The following CTNNA2 variants were observed in gnomAD, a reference collection of about 807,000 sequenced individuals.
CTNNA2 encodes catenin alpha 2.
In CTNNA2, 42 loss-of-function variants were observed where a neutral mutation model predicts 101.0. The observed-to-expected ratio is 0.42, with a 90% confidence interval of 0.32 to 0.54. The LOEUF is 0.54. Among genes scored for constraint, CTNNA2 ranks in the 20% least tolerant of loss-of-function variants. The pLI is 0.14. For synonymous variants in CTNNA2, 450 were observed against 456.4 expected, an observed-to-expected ratio of 0.99 and a Z score of 0.18; for missense variants, 871 against 1,223.1, an observed-to-expected ratio of 0.71 and a Z score of 4.29.
chr2:80,289,513 C>A (rs1675053981), intron 7 of CTNNA2, among the ~76,000 whole-genome samples: 1 of 152,296 alleles, frequency 6.6e-6, no homozygotes, highest in South Asian at 2.1e-4. Flanking sequence ...GCTCCTAATG[C>A]CATCCACATT....
intron 13 of CTNNA2, among the ~76,000 whole-genome samples, chr2:80,576,920 G>A (rs140387973): frequency 0.012 from 1,803 of 151,912 alleles, 25 homozygotes; most frequent in Non-Finnish European, 0.015. Context: ...TTAACTTCAC[G>A]TCTCCCAAAC....
chr2:79,733,349 A>G (rs904272209), intron 2 of CTNNA2, among the ~76,000 whole-genome samples: 2 of 152,106 alleles, frequency 1.3e-5, no homozygotes, highest in Admixed American at 1.3e-4. Flanking sequence ...CCTCATAACT[A>G]GTTGACAAAG....
At chr2:79,767,013 C>A (rs1324895002) in intron 3 of CTNNA2, among the ~76,000 whole-genome samples, 1 of 151,970 alleles carries the variant, frequency 6.6e-6, no homozygotes, top group Non-Finnish European at 1.5e-5. Flanking sequence ...CTCGGCCTCC[C>A]AAAGTGCTGG....
At chr2:79,562,928 G>T (rs534158847) in intron 1 of CTNNA2, among the ~76,000 whole-genome samples, 2 of 151,856 alleles carry the variant, frequency 1.3e-5, no homozygotes, top group South Asian at 2.1e-4. Context: ...AGAGAGAAAA[G>T]AATACTAATG....
rs564137108 is a variant in CTNNA2, at chr2:79,605,485, G to A, written c.-5-46067G>A. Reference sequence around the variant, plus strand: ...TAAGAAACATAAAGAAAATTCCACCGAAGAATATATTATAATCTTATAGTT... The same window carrying A: ...TAAGAAACATAAAGAAAATTCCACCAAAGAATATATTATAATCTTATAGTT... On this transcript the variant is annotated intron_variant, in intron 1 of 18. Coordinates refer to ENST00000402739, the MANE Select transcript of CTNNA2 (RefSeq NM_001282597.3). Among the ~76,000 whole-genome samples the A allele has an allele frequency of 9.5e-4, 144 of 151,364 alleles. 1 individual carries two copies. Among genetic ancestry groups the A allele is most frequent in the South Asian group, 4.2e-3 (20 of 4,798 alleles).
At chr2:79,956,851 T>TTTTTTTTG (rs1689267380) in intron 7 of CTNNA2, among the ~76,000 whole-genome samples, 1 of 82,404 alleles carries the variant, frequency 1.2e-5, no homozygotes, top group African/African-American at 3.1e-5. Flanking sequence ...GGGTTTTTTT[T>TTTTTTTTG]TTTTTTTTTT....
At chr2:80,489,371 A>G (rs1300382450) in intron 9 of CTNNA2, among the ~76,000 whole-genome samples, 1 of 152,218 alleles carries the variant, frequency 6.6e-6, no homozygotes, top group Non-Finnish European at 1.5e-5. Flanking sequence ...AAGATAAACC[A>G]TCATTAAATT....
intron 3 of CTNNA2, among the ~76,000 whole-genome samples, chr2:79,331,819 G>A (rs2104419147): frequency 6.6e-6 from 1 of 152,278 alleles, no homozygotes; most frequent in Middle Eastern, 3.4e-3. Context: ...CAAAAAGGGG[G>A]GAAAGCAAAT....
chr2:79,402,073 T>A (rs932857606), intron 4 of CTNNA2, among the ~76,000 whole-genome samples: 1 of 151,792 alleles, frequency 6.6e-6, no homozygotes, highest in South Asian at 2.1e-4. Context: ...AAAAAGAACA[T>A]CTTATAATAA....
At chr2:79,970,583 T>C (rs1690407337) in intron 7 of CTNNA2, among the ~76,000 whole-genome samples, 1 of 152,182 alleles carries the variant, frequency 6.6e-6, no homozygotes, top group African/African-American at 2.4e-5. Context: ...GTTTCCAAGC[T>C]GATTCCTGGA....
intron 9 of CTNNA2, among the ~76,000 whole-genome samples, chr2:80,441,436 T>C (rs1682564141): frequency 6.6e-6 from 1 of 152,150 alleles, no homozygotes; most frequent in Non-Finnish European, 1.5e-5. Context: ...GACAGTTTTG[T>C]TGTTAGTTTT....
intron 9 of CTNNA2, among the ~76,000 whole-genome samples, chr2:80,533,644 GT>G (rs1374769079): frequency 6.6e-6 from 1 of 152,150 alleles, no homozygotes; most frequent in Non-Finnish European, 1.5e-5. Flanking sequence ...GGATCCTGGA[GT>G]TTTCATCCTG....
At chr2:80,241,749 G>C (rs1670961315) in intron 7 of CTNNA2, among the ~76,000 whole-genome samples, 1 of 152,106 alleles carries the variant, frequency 6.6e-6, no homozygotes, top group South Asian at 2.1e-4. Context: ...ATGGCAGTTG[G>C]ATCTAGAAGT....
At chr2:80,260,866 A>T (rs554402421) in intron 7 of CTNNA2, among the ~76,000 whole-genome samples, 4 of 151,582 alleles carry the variant, frequency 2.6e-5, no homozygotes, top group Non-Finnish European at 5.9e-5. Flanking sequence ...TGAGTTGTAC[A>T]TTTTTTTTTC....
rs1303916427 is a variant in CTNNA2 at position 79,392,847 on chromosome 2, C to A, written c.-135+18834C>A. ...TTTATAATTTTCTGAAGGATGAAAT[C>A]ATCAGTAATAGAAATCAGTTCTTTC... On this transcript the variant is annotated intron_variant, in intron 4 of 21. Transcript: ENST00000466387. Among the ~76,000 whole-genome samples, 5 of 152,114 alleles carry A rather than the reference C, an allele frequency of 3.3e-5. No individual in the cohort carries two copies. The South Asian group carries it at 8.3e-4, about 25-fold the overall frequency.
Position 79,874,121 on chromosome 2 carries a change from G to A in CTNNA2, c.631G>A (p.Gly211Arg). The change falls in exon 6 of 19, where the codon GGG (glycine) becomes AGG (arginine). Residue 211 changes from glycine (G) to arginine (R), a missense_variant. Around this residue, in one of 5 missense-constraint regions of CTNNA2, gnomAD observed 647 missense variants for 831.5 expected, o/e 0.78. Transcript: ENST00000402739. ...HCRDEMAAARGALKKNATMLY... is the reference protein window; with the variant it reads ...HCRDEMAAARRALKKNATMLY... ...TCGGGATGAGATGGCAGCCGCCCGA[G>A]GGGCTCTGAAGAAGAATGCCACAAT... 1 of 1,614,178 alleles carries A rather than the reference G, an allele frequency of 6.2e-7. No homozygotes were observed. Among genetic ancestry groups the A allele is most frequent in the Non-Finnish European group, 8.5e-7 (1 of 1,180,034 alleles).
rs573920630 is a variant in CTNNA2, at chr2:80,420,581, G to A, written c.1290+980G>A. Among the ~76,000 whole-genome samples, 415 of 150,580 alleles carry A rather than the reference G, an allele frequency of 2.8e-3. 1 individual carries two copies. The highest frequency in any genetic ancestry group is 0.01 in the Middle Eastern group (3 of 290). On this transcript the variant is annotated intron_variant, in intron 9 of 18. Transcript: ENST00000402739. ...AAATAAGTTCTTTTTTTTTTCATTT[G>A]GATGGAAAAATCAAAATCCTCAGAA... is the stretch of plus-strand genomic sequence containing the variant.
chr2:80,357,070 C>A (rs926909137), intron 7 of CTNNA2, among the ~76,000 whole-genome samples: 1 of 152,050 alleles, frequency 6.6e-6, no homozygotes, highest in Non-Finnish European at 1.5e-5. Context: ...TCATATGCAC[C>A]CCTTGAGGAG....
chr2:79,594,656 CT>C (rs1677073958), intron 1 of CTNNA2, among the ~76,000 whole-genome samples: 1 of 152,018 alleles, frequency 6.6e-6, no homozygotes, highest in Non-Finnish European at 1.5e-5. Flanking sequence ...AGTGTATTTC[CT>C]TCATTCTCAG....
Sources: gnomAD v4.1 joint callset for allele counts (sites outside exome capture counted in the v4.1 genomes callset) on GRCh38, gnomAD v4.1.1 for gene constraint, gnomAD v4.1.1 regional missense constraint, MANE v1.5 for transcripts, NCBI Gene and HGNC (gene_info 2026-07-23, HGNC 2026-07-21) for gene names.